AGBL4: variants seen among roughly 807,000 people sequenced by gnomAD.
The protein encoded by AGBL4 is cytosolic carboxypeptidase 6.
AGBL4 carries 58 observed loss-of-function variants against 66.4 expected under a neutral mutation model. The observed-to-expected ratio is 0.87, with a 90% CI of 0.71 to 1.09. The LOEUF (loss-of-function observed/expected upper bound fraction) is 1.09. Among genes scored for constraint, AGBL4 ranks in the 50% least tolerant of loss-of-function variants. AGBL4 has a pLI of 0.00. For missense variants in AGBL4, 579 were observed against 631.0 expected (o/e 0.92, Z 0.88); for synonymous variants, 234 against 222.9 (o/e 1.05, Z -0.44).
chr1:48,890,239 A>G (rs1390787809), intron 5 of AGBL4, among the ~76,000 whole-genome samples: 1 of 152,068 alleles, frequency 6.6e-6, no homozygotes, highest in African/African-American at 2.4e-5. Flanking sequence ...CCATACCCAG[A>G]ATACCTATGG....
chr1:49,998,075 A>C (rs990330155), intron 1 of AGBL4, among the ~76,000 whole-genome samples: 21 of 152,252 alleles, frequency 1.4e-4, no homozygotes, highest in African/African-American at 5.1e-4. Flanking sequence ...AACCCAGCAG[A>C]AGAAAAGAAA....
intron 5 of AGBL4, among the ~76,000 whole-genome samples, chr1:48,893,196 CTGGAGGTAGAGGAGA>C (rs1651144364): frequency 6.6e-6 from 1 of 152,136 alleles, no homozygotes; most frequent in Non-Finnish European, 1.5e-5. Context: ...GACAGAGGAG[CTGGAGGTAGAGGAGA>C]GAATCTACCA....
chr1:49,802,734 T>C (rs186596874), intron 2 of AGBL4, among the ~76,000 whole-genome samples: 347 of 152,266 alleles, frequency 2.3e-3, no homozygotes, highest in African/African-American at 8.0e-3. Flanking sequence ...CAGAAGGCGG[T>C]GACCCCCCTG....
intron 2 of AGBL4, among the ~76,000 whole-genome samples, chr1:49,847,069 G>A (rs548876665): frequency 6.6e-6 from 1 of 152,196 alleles, no homozygotes; most frequent in East Asian, 1.9e-4. Flanking sequence ...GCATGGTACT[G>A]GTTTAAAAAT....
At position 49,791,913 on chromosome 1, in the gene AGBL4, CT is replaced by C. The variant is rs1436428603; in HGVS notation, c.157+59482del. 2.0e-5 allele frequency among the ~76,000 whole-genome samples: 3 copies of C among 151,988 alleles called. No homozygotes were observed. The East Asian group carries it at 5.8e-4, about 29-fold the overall frequency. ...AAGGGTAGGAACCACATTTTTTTCACTTATGTACACCCTACGCCTAGCATTA... is the reference window on the plus strand; with the variant it reads ...AAGGGTAGGAACCACATTTTTTTCACTATGTACACCCTACGCCTAGCATTA... On this transcript the variant is annotated intron_variant, in intron 2 of 13. Coordinates refer to ENST00000371839, the MANE Select transcript of AGBL4 (RefSeq NM_032785.4).
rs142670369 is a variant in AGBL4, at chr1:49,124,738, G to A, written c.378-78938C>T. Among the ~76,000 whole-genome samples the A allele has an allele frequency of 5.3e-4, 80 of 152,324 alleles. No homozygotes were observed. The East Asian group carries it at 0.014, about 26-fold the overall frequency. On this transcript the variant is annotated intron_variant, in intron 4 of 13. Coordinates refer to ENST00000371839, the MANE Select transcript of AGBL4 (RefSeq NM_032785.4). ...AGCAAGATTTTATGGAAATAAAACA[G>A]TTGAGGAAACCAGGAGAGCTGACTG... is the stretch of plus-strand genomic sequence containing the variant.
intron 1 of AGBL4, among the ~76,000 whole-genome samples, chr1:49,921,784 G>C (rs1652280650): frequency 6.6e-6 from 1 of 152,214 alleles, no homozygotes; most frequent in South Asian, 2.1e-4. Context: ...AAGCAAGCCA[G>C]CATATCCCAC....
intron 2 of AGBL4, among the ~76,000 whole-genome samples, chr1:49,833,665 T>A (rs560444834): frequency 6.6e-6 from 1 of 152,334 alleles, no homozygotes; most frequent in South Asian, 2.1e-4. Flanking sequence ...TTCTTTAATT[T>A]CATTGAGCAG....
rs568243812 is a variant in AGBL4 at position 48,780,211 on chromosome 1, G to C, written c.634+86980C>G. On this transcript the variant is annotated intron_variant, in intron 6 of 13. Transcript: ENST00000371839. ...GCCCCCCACCCCCCTACAGGCCCCG[G>C]TATGTGATGTTCCCCTCCCCGTATC... is the stretch of plus-strand genomic sequence containing the variant. Among the ~76,000 whole-genome samples the C allele has an allele frequency of 4.4e-3, 215 of 48,578 alleles. 4 individuals are homozygous for C. The highest frequency in any genetic ancestry group is 0.017 in the African/African-American group (209 of 12,136). 31.9% of individuals were successfully genotyped at this position (48,578 alleles called of 152,430 possible).
chr1:49,821,999 C>T (rs943638939), intron 2 of AGBL4, among the ~76,000 whole-genome samples: 5 of 151,916 alleles, frequency 3.3e-5, no homozygotes, highest in African/African-American at 9.7e-5. Flanking sequence ...TATCACAGAA[C>T]ATCAGAGTTG....
At chr1:49,624,936 T>C (rs899736519) in intron 3 of AGBL4, among the ~76,000 whole-genome samples, 4 of 152,192 alleles carry the variant, frequency 2.6e-5, no homozygotes, top group Non-Finnish European at 5.9e-5. Flanking sequence ...GATGAGATTT[T>C]TTTTCCCTAT....
At chr1:49,763,829 C>T (rs1422181615) in intron 2 of AGBL4, among the ~76,000 whole-genome samples, 2 of 152,142 alleles carry the variant, frequency 1.3e-5, no homozygotes, top group Non-Finnish European at 2.9e-5. Context: ...GTTGCTGTAG[C>T]CCCAACAAGG....
chr1:49,478,106 AT>A (rs1314181072), intron 3 of AGBL4, among the ~76,000 whole-genome samples: 3 of 151,944 alleles, frequency 2.0e-5, no homozygotes, highest in African/African-American at 7.2e-5. Flanking sequence ...TCTAAGAGTC[AT>A]TGGGCTTAAA....
intron 5 of AGBL4, among the ~76,000 whole-genome samples, chr1:48,929,240 C>T (rs939871776): frequency 2.2e-4 from 33 of 152,186 alleles, no homozygotes; most frequent in Admixed American, 1.9e-3. Context: ...ATGTATCCCA[C>T]GGCCTAGAGG....
intron 4 of AGBL4, among the ~76,000 whole-genome samples, chr1:49,192,346 T>A (rs1399880388): frequency 6.6e-6 from 1 of 152,248 alleles, no homozygotes; most frequent in African/African-American, 2.4e-5. Flanking sequence ...TTGCCCAAGC[T>A]GGAGTGCAAT....
At chr1:48,761,382 C>G in intron 6 of AGBL4, 5 of 1,551,868 alleles carry the variant, frequency 3.2e-6, no homozygotes, top group South Asian at 1.2e-5. Context: ...AATCTTTAAC[C>G]TCTCCATCTT....
downstream of AGBL4, among the ~76,000 whole-genome samples, chr1:48,532,538 A>C (rs1003919856): frequency 6.6e-6 from 1 of 152,206 alleles, no homozygotes; most frequent in Non-Finnish European, 1.5e-5. Flanking sequence ...CTGGCCAAGG[A>C]AACATGGATC....
Position 49,206,179 on chromosome 1 carries a change from T to A in AGBL4, c.377+39591A>T, listed in dbSNP as rs373623824. ...AGAACTGTTGGGAAGAGGGGCAATC[T>A]GTATGTGTTTGGGGGAAGGAGAAAG... On this transcript the variant is annotated intron_variant, in intron 4 of 13. Transcript: ENST00000371839. Among the ~76,000 whole-genome samples, 164 of 152,280 alleles carry A rather than the reference T, an allele frequency of 1.1e-3. 1 individual carries two copies. Among genetic ancestry groups the A allele is most frequent in the African/African-American group, 3.8e-3 (158 of 41,576 alleles).
intron 2 of AGBL4, among the ~76,000 whole-genome samples, chr1:49,716,676 C>T (rs1263107881): frequency 6.6e-6 from 1 of 151,996 alleles, no homozygotes; most frequent in African/African-American, 2.4e-5. Flanking sequence ...ATGACAAAAA[C>T]CACATGATTA....
Sources: gnomAD v4.1 joint callset for allele counts (sites outside exome capture counted in the v4.1 genomes callset) on GRCh38, gnomAD v4.1.1 for gene constraint, MANE v1.5 for transcripts, NCBI Gene and HGNC (gene_info 2026-07-23, HGNC 2026-07-21) for gene names.